Variants in SRRM3 observed in about 807,000 individuals in gnomAD.
SRRM3 encodes the protein serine/arginine repetitive matrix protein 3.
In SRRM3, 27 loss-of-function variants were observed where a neutral mutation model predicts 66.2. The ratio of observed to expected loss-of-function variants is 0.41; its 90% CI spans 0.30 to 0.56. The LOEUF is 0.56. Ranked by LOEUF, SRRM3 falls within the 20% of genes least tolerant of loss-of-function variation. SRRM3 has a pLI of 0.32. For missense variants in SRRM3, 918 were observed against 991.9 expected, an observed-to-expected ratio of 0.93 and a Z score of 1.00; for synonymous variants, 391 against 414.9, an observed-to-expected ratio of 0.94 and a Z score of 0.70.
intron 3 of SRRM3, among the ~76,000 whole-genome samples, chr7:76,252,163 C>A (rs1299168988): frequency 6.6e-6 from 1 of 152,168 alleles, no homozygotes; most frequent in African/African-American, 2.4e-5. Flanking sequence ...AGAGAGCACA[C>A]ACCCACAACA....
chr7:76,286,087 G>C lies in SRRM3; in HGVS notation c.*244G>C, dbSNP rs976649309. On this transcript the variant is annotated 3_prime_UTR_variant, in exon 15 of 15. Transcript: ENST00000611745. ...CACCTCCTGTCCACCCACTGTGCCCGGGGAACAAAGAGCCGTTACGAACAC... is the reference window on the plus strand; with the variant it reads ...CACCTCCTGTCCACCCACTGTGCCCCGGGAACAAAGAGCCGTTACGAACAC... 2 of 576,592 alleles carry C rather than the reference G, an allele frequency of 3.5e-6. No individual in the cohort carries two copies. Among genetic ancestry groups the C allele is most frequent in the East Asian group, 5.9e-5 (2 of 33,778 alleles). 35.7% of individuals were successfully genotyped at this position (576,592 alleles called of 1,614,324 possible). A position where few individuals can be genotyped will look rare whatever the true frequency, so the allele number is the denominator to read the frequency against.
rs1365952791 is a variant in SRRM3 at position 76,285,391 on chromosome 7, G to A, written c.1734-224G>A. 1.2e-5 allele frequency: 7 copies of A among 569,030 alleles called. No homozygotes were observed. The highest frequency in any genetic ancestry group is 2.2e-5 in the Non-Finnish European group (7 of 319,116). 35.2% of individuals were successfully genotyped at this position (569,030 alleles called of 1,614,324 possible). On this transcript the variant is annotated intron_variant, in intron 14 of 14. Transcript: ENST00000611745. This position sits in a 1 kb window ranked among gnomAD's most constrained non-coding sequence, Gnocchi z 4.1. ...AACAAGTATTTATTAGCAGGTGTTC[G>A]GATCGGGCAGAGACATGGTCTCCTT...
intron 1 of SRRM3, among the ~76,000 whole-genome samples, chr7:76,222,291 T>C (rs1475259185): frequency 6.6e-6 from 1 of 151,720 alleles, no homozygotes; most frequent in African/African-American, 2.4e-5. Context: ...CTGTGTGTAG[T>C]AGTGGCCAGC....
chr7:76,282,767 G>A lies in SRRM3; in HGVS notation c.1490G>A (p.Arg497His). The change falls in exon 13 of 15, where the codon CGC (arginine) becomes CAC (histidine). Residue 497 changes from arginine (R) to histidine (H), a missense_variant. Arg to His is a conservative substitution (Grantham distance 29, BLOSUM62 0). Transcript: ENST00000611745. Reference sequence around the variant, plus strand: ...TCGCGCAGCCCCGGCCCGCACCCCCGCTCCTGGAGCTCCAGCCGCTCGCCC... The same window carrying A: ...TCGCGCAGCCCCGGCCCGCACCCCCACTCCTGGAGCTCCAGCCGCTCGCCC... ...SSSRSPGPHPRSWSSSRSPSK... is the reference protein window; with the variant it reads ...SSSRSPGPHPHSWSSSRSPSK... 6.8e-7 allele frequency: 1 copy of A among 1,464,768 alleles called. No homozygotes were observed. 90.7% of individuals were successfully genotyped at this position (1,464,768 alleles called of 1,614,324 possible). A position where few individuals can be genotyped will look rare whatever the true frequency, so the allele number is the denominator to read the frequency against.
intron 1 of SRRM3, among the ~76,000 whole-genome samples, chr7:76,208,146 A>G (rs1583861814): frequency 6.6e-6 from 1 of 152,142 alleles, no homozygotes; most frequent in Non-Finnish European, 1.5e-5. Context: ...GGGAAGGAGG[A>G]CATGAGAGCA....
chr7:76,244,200 C>T (rs1801380356), intron 2 of SRRM3, among the ~76,000 whole-genome samples: 1 of 152,112 alleles, frequency 6.6e-6, no homozygotes, highest in Non-Finnish European at 1.5e-5. Context: ...AGACTCCGAC[C>T]CTAGCTGGGG....
At chr7:76,278,401 C>T (rs141212684) in intron 11 of SRRM3, among the ~76,000 whole-genome samples, 2,631 of 152,180 alleles carry the variant, frequency 0.017, 78 homozygotes, top group African/African-American at 0.059. Flanking sequence ...GCAGGAGAAT[C>T]GCTTGAACCC....
intron 2 of SRRM3, among the ~76,000 whole-genome samples, chr7:76,245,861 A>G (rs1801428470): frequency 1.3e-5 from 2 of 151,994 alleles, no homozygotes; most frequent in South Asian, 4.1e-4. Flanking sequence ...ACACTCAGCT[A>G]ATTTTTTTAT....
chr7:76,263,657 C>T (rs1321758381), intron 8 of SRRM3, among the ~76,000 whole-genome samples: 10 of 151,834 alleles, frequency 6.6e-5, no homozygotes, highest in Admixed American at 2.0e-4. Context: ...GCCAGGAGTT[C>T]GAGACCAGCC....
At chr7:76,215,609 T>G (rs1554602435) in intron 1 of SRRM3, among the ~76,000 whole-genome samples, 1 of 149,220 alleles carries the variant, frequency 6.7e-6, no homozygotes. Context: ...AGGGTCTTGC[T>G]ATGTTGCCCA....
chr7:76,255,907 G>GT (rs1554607626), intron 3 of SRRM3, among the ~76,000 whole-genome samples: 2 of 152,188 alleles, frequency 1.3e-5, no homozygotes, highest in African/African-American at 4.8e-5. Flanking sequence ...ATGTTGGTGT[G>GT]TAAGTAGCAG....
intron 1 of SRRM3, among the ~76,000 whole-genome samples, chr7:76,207,914 AT>A (rs1800339418): frequency 6.6e-6 from 1 of 152,116 alleles, no homozygotes; most frequent in African/African-American, 2.4e-5. Context: ...CCAAAAGCAT[AT>A]TTTTAATGGC....
intron 1 of SRRM3, among the ~76,000 whole-genome samples, chr7:76,229,744 T>C (rs11770160): frequency 0.035 from 4,527 of 129,792 alleles, 79 homozygotes; most frequent in East Asian, 0.14. Context: ...TCTTCTTCTT[T>C]TTTTTTTTTT....
intron 10 of SRRM3, among the ~76,000 whole-genome samples, chr7:76,266,820 G>C (rs1325749539): frequency 6.6e-6 from 1 of 150,740 alleles, no homozygotes; most frequent in Non-Finnish European, 1.5e-5. Context: ...TTACAGGCGT[G>C]CACCACCATG....
At chr7:76,259,833 G>GC (rs150272766) in intron 3 of SRRM3, 73 bp from the exon 4 acceptor site, 371,457 of 1,589,616 alleles carry the variant, frequency 0.23, 45,284 homozygotes, top group East Asian at 0.45. Flanking sequence ...GCTAGGTCAG[G>GC]CCCCCTGCGC....
chr7:76,221,826 A>T (rs1800729628), intron 1 of SRRM3, among the ~76,000 whole-genome samples: 1 of 152,184 alleles, frequency 6.6e-6, no homozygotes, highest in Non-Finnish European at 1.5e-5. Context: ...TCCTGGTCTA[A>T]CTCATGCCTG....
intron 1 of SRRM3, among the ~76,000 whole-genome samples, chr7:76,210,853 A>C (rs1367372693): frequency 6.6e-6 from 1 of 151,864 alleles, no homozygotes; most frequent in African/African-American, 2.4e-5. Context: ...CCCAGGCTGG[A>C]GTGCAGTGGG....
chr7:76,239,504 C>T (rs1356405239), intron 2 of SRRM3, among the ~76,000 whole-genome samples: 1 of 151,946 alleles, frequency 6.6e-6, no homozygotes, highest in Non-Finnish European at 1.5e-5. Flanking sequence ...ACCAGCATGG[C>T]AACATAGTGA....
Position 76,235,444 on chromosome 7 carries a change from C to T in SRRM3, c.233+145C>T, listed in dbSNP as rs1554604768. The stretch of plus-strand genomic sequence containing the variant: ...GGGCTATTAGGGCGGAGTCGGGCGA[C>T]TGTGGGAACCCAAGAGCCTTGTCCA... On this transcript the variant is annotated intron_variant, in intron 2 of 14. Coordinates refer to ENST00000611745, the MANE Select transcript of SRRM3 (RefSeq NM_001110199.3). 3 of 749,704 alleles carry T rather than the reference C, an allele frequency of 4.0e-6. No individual in the cohort carries two copies. The African/African-American group carries it at 5.5e-5, about 14-fold the overall frequency. 46.4% of individuals were successfully genotyped at this position (749,704 alleles called of 1,614,324 possible). A position where few individuals can be genotyped will look rare whatever the true frequency, so the allele number is the denominator to read the frequency against.
Sources: gnomAD v4.1 joint callset for allele counts (sites outside exome capture counted in the v4.1 genomes callset) on GRCh38, gnomAD v4.1.1 for gene constraint, Gnocchi (gnomAD v3.1) non-coding constraint, MANE v1.5 for transcripts, NCBI Gene and HGNC (gene_info 2026-07-23, HGNC 2026-07-21) for gene names.